The following ZBTB11 variants were observed in gnomAD, a reference collection of about 807,000 sequenced individuals.
The protein encoded by ZBTB11 is zinc finger and BTB domain containing 11.
A neutral mutation model predicts 113.1 loss-of-function variants in ZBTB11; 68 were observed. That is an observed-to-expected ratio of 0.60 (90% CI 0.49 to 0.74). ZBTB11 has a LOEUF of 0.74. ZBTB11 is among the 30% of genes least tolerant of loss of function. The pLI is 0.00. For synonymous variants in ZBTB11, 518 were observed against 452.6 expected, an observed-to-expected ratio of 1.14 and a Z score of -1.83; for missense variants, 1,104 against 1,279.4, an observed-to-expected ratio of 0.86 and a Z score of 2.09.
chr3:101,654,062 C>T (rs1241522851), intron 8 of ZBTB11, among the ~76,000 whole-genome samples: 3 of 150,364 alleles, frequency 2.0e-5, no homozygotes, highest in Non-Finnish European at 3.0e-5. Context: ...TTTTTTGAGG[C>T]GGAGACTCAC....
At position 101,677,049 on chromosome 3, in the gene ZBTB11, G is replaced by T; in HGVS notation, c.-135C>A. ...CGCCTTTGGCGAGCGCTCTTCGACG[G>T]CTCCCTTAGTCCGAAGGAAAAGCGG... On this transcript the variant is annotated 5_prime_UTR_variant, in exon 1 of 11. Coordinates refer to ENST00000312938, the MANE Select transcript of ZBTB11 (RefSeq NM_014415.4). 1.0e-6 allele frequency: 1 copy of T among 989,872 alleles called. No homozygotes were observed. Among genetic ancestry groups the T allele is most frequent in the Non-Finnish European group, 1.4e-6 (1 of 700,702 alleles). The allele number at this position is 989,872 out of a possible 1,614,324, so 61.3% of individuals were successfully genotyped here.
Position 101,671,974 on chromosome 3 carries a change from T to G in ZBTB11, c.546+4A>C, listed in dbSNP as rs1937093012. 1 of 1,609,860 alleles carries G rather than the reference T, an allele frequency of 6.2e-7. No homozygotes were observed. The highest frequency in any genetic ancestry group is 1.7e-4 in the Middle Eastern group (1 of 6,052). On this transcript the variant is annotated splice_donor_region_variant and intron_variant, in intron 2 of 10. Coordinates refer to ENST00000312938, the MANE Select transcript of ZBTB11 (RefSeq NM_014415.4). ...CTTAAAGCTGACTGGAGAGTACCAC[T>G]TACAAACACAAGTTCATGTTTGGAT...
intron 5 of ZBTB11, 105 bp downstream of exon 5, chr3:101,664,433 A>T: frequency 8.8e-7 from 1 of 1,131,028 alleles, no homozygotes; most frequent in Non-Finnish European, 1.2e-6. Flanking sequence ...TGACTCTTAT[A>T]GCCATATAAG....
chr3:101,656,670 GGGAGAAATTT>G (rs1936804014), intron 6 of ZBTB11, among the ~76,000 whole-genome samples: 1 of 151,982 alleles, frequency 6.6e-6, no homozygotes, highest in African/African-American at 2.4e-5. Flanking sequence ...ACAATCCACT[GGGAGAAATTT>G]TTGTTAAACA....
chr3:101,662,073 A>T (rs572307367), intron 5 of ZBTB11: 1 of 152,116 alleles, frequency 6.6e-6, no homozygotes, highest in South Asian at 2.1e-4. Context: ...ACACTAGTCA[A>T]GTGCAGTAGT....
intron 3 of ZBTB11, among the ~76,000 whole-genome samples, chr3:101,670,097 G>A (rs1308419591): frequency 1.3e-5 from 2 of 152,126 alleles, no homozygotes; most frequent in Non-Finnish European, 2.9e-5. Context: ...CAAAGTGCTG[G>A]GATTACAGGC....
Position 101,652,418 on chromosome 3 carries a change from A to G in ZBTB11, c.2644+78T>C, listed in dbSNP as rs1936719964. 2.1e-6 allele frequency: 3 copies of G among 1,408,910 alleles called. No individual in the cohort carries two copies. The African/African-American group carries it at 4.3e-5, about 20-fold the overall frequency. The allele number at this position is 1,408,910 out of a possible 1,614,324, so 87.3% of individuals were successfully genotyped here. On this transcript the variant is annotated intron_variant, in intron 10 of 10. Coordinates refer to ENST00000312938, the MANE Select transcript of ZBTB11 (RefSeq NM_014415.4). The stretch of plus-strand genomic sequence containing the variant: ...AATTAACCTTTTACCAAGGAAGGTG[A>G]AAGAGCTGGTAAAGGGAGAATCACT...
At chr3:101,660,722 A>G (rs2108319820) in intron 5 of ZBTB11, among the ~76,000 whole-genome samples, 1 of 152,276 alleles carries the variant, frequency 6.6e-6, no homozygotes, top group East Asian at 1.9e-4. Flanking sequence ...TTATCAATAT[A>G]GTTATATCAT....
rs374561422 is a variant in ZBTB11, at chr3:101,665,578, T to C, written c.1009A>G (p.Asn337Asp). 1.1e-5 allele frequency: 17 copies of C among 1,614,120 alleles called. No individual in the cohort carries two copies. Among genetic ancestry groups the C allele is most frequent in the Non-Finnish European group, 1.4e-5 (16 of 1,180,056 alleles). The change falls in exon 4 of 11, where the codon AAT (asparagine) becomes GAT (aspartate). Residue 337 changes from asparagine (N) to aspartate (D), a missense_variant. Physicochemically the swap from Asn to Asp is conservative, Grantham distance 23. Coordinates refer to ENST00000312938, the MANE Select transcript of ZBTB11 (RefSeq NM_014415.4). ...VASTQDLRVQ[N>D]GGTAPPVASS... ...GCAACAGGAGGTGCTGTACCTCCAT[T>C]CTGTACTCGTAAGTCCTGGGTGGAT... is the stretch of plus-strand genomic sequence containing the variant.
At chr3:101,654,446 TGAGACTCTTCTTTCCCA>T (rs1256653480) in intron 8 of ZBTB11, among the ~76,000 whole-genome samples, 53 of 152,212 alleles carry the variant, frequency 3.5e-4, no homozygotes, top group Non-Finnish European at 6.8e-4. Flanking sequence ...TGGCTGGCAG[TGAGACTCTTCTTTCCCA>T]CAGTCCCCAC....
Position 101,671,279 on chromosome 3 carries a change from G to C in ZBTB11, c.629C>G (p.Ser210Cys), listed in dbSNP as rs770843332. The part of the protein sequence containing the change: ...VLKQLNEQRL[S>C]NQFCDVTLLI... ...CAAAGTAACATCACAGAACTGGTTG[G>C]AAAGTCTCTGTTCGTTCAGCTGTTT... Residue 210 changes from serine to cysteine, a missense_variant, in exon 3 of 11, where the codon TCC (serine) becomes TGC (cysteine). Ser to Cys is a moderately radical substitution (Grantham distance 112, BLOSUM62 -1). This residue lies in a region of ZBTB11 where 245 missense variants were observed against 272.5 expected (regional missense o/e 0.90). Coordinates refer to ENST00000312938, the MANE Select transcript of ZBTB11 (RefSeq NM_014415.4). 6.2e-7 allele frequency: 1 copy of C among 1,614,166 alleles called. No individual in the cohort carries two copies. Among genetic ancestry groups the C allele is most frequent in the Non-Finnish European group, 8.5e-7 (1 of 1,180,024 alleles).
intron 10 of ZBTB11, among the ~76,000 whole-genome samples, chr3:101,651,900 A>C (rs907646983): frequency 3.3e-5 from 5 of 152,176 alleles, no homozygotes; most frequent in Admixed American, 2.0e-4. Flanking sequence ...TTGGGAGGCC[A>C]AGGCAGGTGG....
At chr3:101,670,718 C>T (rs7611497) in intron 3 of ZBTB11, 7,484 of 165,400 alleles carry the variant, frequency 0.045, 650 homozygotes, top group African/African-American at 0.17. Context: ...CAGCCTGGAA[C>T]TCCTGACCTT....
chr3:101,658,685 G>A (rs1936838680), intron 6 of ZBTB11, among the ~76,000 whole-genome samples: 1 of 152,166 alleles, frequency 6.6e-6, no homozygotes, highest in African/African-American at 2.4e-5. Context: ...AACATCGTAT[G>A]TTCTCACTCA....
chr3:101,652,083 C>T (rs563203157), intron 10 of ZBTB11, among the ~76,000 whole-genome samples: 5 of 151,952 alleles, frequency 3.3e-5, no homozygotes, highest in East Asian at 1.9e-4. Context: ...GAGCCAGGAT[C>T]GCGTCACTGC....
chr3:101,660,942 T>G (rs1029440670), intron 5 of ZBTB11, among the ~76,000 whole-genome samples: 2 of 151,996 alleles, frequency 1.3e-5, no homozygotes, highest in Admixed American at 1.3e-4. Flanking sequence ...GTCAAATCAT[T>G]ATGTCCTGGG....
rs1339745972 is a variant in ZBTB11 at position 101,653,042 on chromosome 3, T to A, written c.2310-104A>T. The A allele has an allele frequency of 4.0e-6, 5 of 1,240,682 alleles. No individual in the cohort carries two copies. The Admixed American group carries it at 7.9e-5, about 20-fold the overall frequency. 76.9% of individuals were successfully genotyped at this position (1,240,682 alleles called of 1,614,324 possible). On this transcript the variant is annotated intron_variant, in intron 8 of 10. Transcript: ENST00000312938. Reference sequence around the variant, plus strand: ...AGTTTTTTAGAACTCCAAAAGATGATCTCAACTTAAAAGAATTCCCTAATT... The same window carrying A: ...AGTTTTTTAGAACTCCAAAAGATGAACTCAACTTAAAAGAATTCCCTAATT...
intron 6 of ZBTB11, 77 bp from the exon 7 acceptor site, chr3:101,656,325 GAATAT>G (rs1936798051): frequency 1.2e-6 from 1 of 856,278 alleles, no homozygotes; most frequent in African/African-American, 1.8e-5. Context: ...CAGAGAAAAT[GAATAT>G]ATTATTTTAA....
At chr3:101,662,742 G>A (rs574967454) in intron 5 of ZBTB11, among the ~76,000 whole-genome samples, 36 of 151,580 alleles carry the variant, frequency 2.4e-4, no homozygotes, top group African/African-American at 8.2e-4. Context: ...TTATTTTCTC[G>A]CTAGTCTTGG....
Sources: gnomAD v4.1 joint callset for allele counts (sites outside exome capture counted in the v4.1 genomes callset) on GRCh38, gnomAD v4.1.1 for gene constraint, gnomAD v4.1.1 regional missense constraint, MANE v1.5 for transcripts, NCBI Gene and HGNC (gene_info 2026-07-23, HGNC 2026-07-21) for gene names.